LIPA: variants seen among roughly 807,000 people sequenced by gnomAD.
LIPA encodes the protein lipase A, lysosomal acid type, also known as lysosomal acid lipase/cholesteryl ester hydrolase.
In LIPA, 26 loss-of-function variants were observed where a neutral mutation model predicts 40.6. That is an observed-to-expected ratio of 0.64 (90% CI 0.47 to 0.89). LIPA has a LOEUF of 0.89. Among genes scored for constraint, LIPA ranks in the 40% least tolerant of loss-of-function variants. LIPA has a pLI of 0.00. For synonymous variants in LIPA, 188 were observed against 168.4 expected, an observed-to-expected ratio of 1.12 and a Z score of -0.90; for missense variants, 455 against 479.6, an observed-to-expected ratio of 0.95 and a Z score of 0.48.
At chr10:89,270,316 T>C (rs559840256) in intron 1 of LIPA, among the ~76,000 whole-genome samples, 1 of 152,334 alleles carries the variant, frequency 6.6e-6, no homozygotes, top group South Asian at 2.1e-4. Flanking sequence ...CCAAAACTTA[T>C]CACTTCTCCA....
At chr10:89,363,971 C>T (rs929844396) in intron 2 of LIPA, among the ~76,000 whole-genome samples, 1 of 152,230 alleles carries the variant, frequency 6.6e-6, no homozygotes, top group African/African-American at 2.4e-5. Flanking sequence ...TGAAGCTGTG[C>T]TGTCCTATGA....
chr10:89,334,222 A>G (rs186071736), intron 1 of LIPA, among the ~76,000 whole-genome samples: 1 of 152,250 alleles, frequency 6.6e-6, no homozygotes, highest in East Asian at 1.9e-4. Flanking sequence ...GGTGGTCATG[A>G]TCTGGGTTAG....
chr10:89,396,380 C>T (rs1204916709), intron 2 of LIPA, among the ~76,000 whole-genome samples: 3 of 152,196 alleles, frequency 2.0e-5, no homozygotes, highest in African/African-American at 7.2e-5. Flanking sequence ...ATGGTGCTGG[C>T]ATCTTCTCAG....
intron 9 of LIPA, 85 bp downstream of exon 9, chr10:89,215,853 A>C (rs1251449308): frequency 1.1e-6 from 1 of 870,094 alleles, no homozygotes; most frequent in Non-Finnish European, 2.0e-6. Context: ...ACAGCACCTG[A>C]GCCTGGCCAG....
intron 1 of LIPA, among the ~76,000 whole-genome samples, chr10:89,287,575 A>C (rs921347818): frequency 6.6e-6 from 1 of 151,086 alleles, no homozygotes; most frequent in African/African-American, 2.4e-5. Flanking sequence ...ATATCCCCCC[A>C]CCTTAACCCA....
At chr10:89,316,826 A>G (rs922180059) in intron 1 of LIPA, among the ~76,000 whole-genome samples, 20 of 152,238 alleles carry the variant, frequency 1.3e-4, no homozygotes, top group Non-Finnish European at 4.4e-5. Context: ...GGCACCTCCC[A>G]GTAGGGGCTG....
At chr10:89,244,690 C>A (rs993923020) in intron 3 of LIPA, among the ~76,000 whole-genome samples, 6 of 151,970 alleles carry the variant, frequency 3.9e-5, no homozygotes, top group Non-Finnish European at 4.4e-5. Context: ...TCTAGAAATT[C>A]CTTTATCTGC....
chr10:89,327,756 G>T lies in LIPA; in HGVS notation c.-2+14855C>A, dbSNP rs779984832. On this transcript the variant is annotated intron_variant, in intron 1 of 5. Transcript: ENST00000282673. ...TAATTTTTTGGTTTACATTAGGAAT[G>T]CTTCCACATTCTCTCAAACAAATTT... 5 of 365,660 alleles carry T rather than the reference G, an allele frequency of 1.4e-5. No individual in the cohort carries two copies. The East Asian group carries it at 2.7e-4, about 20-fold the overall frequency. 22.7% of individuals were successfully genotyped at this position (365,660 alleles called of 1,614,324 possible).
chr10:89,310,536 A>G (rs1487554053), intron 1 of LIPA, among the ~76,000 whole-genome samples: 2 of 152,206 alleles, frequency 1.3e-5, no homozygotes, highest in Admixed American at 6.5e-5. Flanking sequence ...ACTAATATGT[A>G]AGAAATTTTC....
intron 2 of LIPA, among the ~76,000 whole-genome samples, chr10:89,387,574 A>G (rs1477715244): frequency 6.6e-6 from 1 of 152,210 alleles, no homozygotes. Flanking sequence ...GGTTACCAAT[A>G]AGAAAGAGAG....
chr10:89,333,196 G>T (rs368948139), intron 1 of LIPA, among the ~76,000 whole-genome samples: 3 of 152,268 alleles, frequency 2.0e-5, no homozygotes, highest in African/African-American at 7.2e-5. Context: ...CCTCCCACGT[G>T]ATCAATGAAC....
At chr10:89,294,062 C>A (rs533891903) in intron 1 of LIPA, among the ~76,000 whole-genome samples, 1 of 152,066 alleles carries the variant, frequency 6.6e-6, no homozygotes, top group Admixed American at 6.5e-5. Flanking sequence ...ATTTGATGAA[C>A]GAATGGTGAA....
intron 1 of LIPA, among the ~76,000 whole-genome samples, chr10:89,277,044 C>T (rs1322687052): frequency 6.6e-6 from 1 of 152,120 alleles, no homozygotes; most frequent in African/African-American, 2.4e-5. Context: ...TGAATATATA[C>T]CTAATGGCTG....
intron 1 of LIPA, chr10:89,328,020 A>G: frequency 6.2e-7 from 1 of 1,611,452 alleles, no homozygotes; most frequent in Non-Finnish European, 8.5e-7. Context: ...CTTCTGAAGA[A>G]CAAATCAGCC....
At chr10:89,354,367 C>G (rs1843978535) in intron 2 of LIPA, among the ~76,000 whole-genome samples, 2 of 152,186 alleles carry the variant, frequency 1.3e-5, no homozygotes, top group South Asian at 4.1e-4. Context: ...TGTGCCCTAC[C>G]TTGGGCACAT....
At chr10:89,312,468 T>G (rs1381145680) in intron 1 of LIPA, among the ~76,000 whole-genome samples, 1 of 152,028 alleles carries the variant, frequency 6.6e-6, no homozygotes, top group African/African-American at 2.4e-5. Flanking sequence ...ATAATAATAA[T>G]TCAATAAAGA....
rs969065407 is a variant in LIPA, at chr10:89,271,326, C to T, written c.-1-23677G>A. On this transcript the variant is annotated intron_variant, in intron 1 of 5. Transcript: ENST00000282673. The stretch of plus-strand genomic sequence containing the variant: ...TTCCCCCAGTGGAAAGAGCTTTGAA[C>T]GGTTCACCTGGATGTTCATTGTTCC... Among the ~76,000 whole-genome samples the T allele has an allele frequency of 6.6e-5, 10 of 152,342 alleles. No homozygotes were observed. The East Asian group carries it at 7.7e-4, about 12-fold the overall frequency.
At chr10:89,409,098 T>G (rs2133643255) in intron 2 of LIPA, among the ~76,000 whole-genome samples, 1 of 152,316 alleles carries the variant, frequency 6.6e-6, no homozygotes, top group South Asian at 2.1e-4. Context: ...TATGCTCCCC[T>G]GTCATCTGAA....
At chr10:89,307,582 G>A (rs1171499634) in intron 1 of LIPA, 3 of 491,916 alleles carry the variant, frequency 6.1e-6, no homozygotes, top group South Asian at 3.4e-5. Flanking sequence ...CAGATTGGGG[G>A]GTAGGTCCAC....
Sources: allele counts gnomAD v4.1 joint callset (sites outside exome capture counted in the v4.1 genomes callset), GRCh38; gene constraint gnomAD v4.1.1; transcripts MANE v1.5; gene names NCBI Gene and HGNC (gene_info 2026-07-23, HGNC 2026-07-21).